The following PLD1 variants were observed in gnomAD, a reference collection of about 807,000 sequenced individuals.
PLD1 encodes the protein phospholipase D1, also known as choline phosphatase 1.
A neutral mutation model predicts 137.1 loss-of-function variants in PLD1; 112 were observed. That is an observed-to-expected ratio of 0.82 (90% CI 0.70 to 0.96). The LOEUF (loss-of-function observed/expected upper bound fraction) is 0.96. PLD1 is among the 40% of genes least tolerant of loss of function. The pLI, the probability that PLD1 is intolerant of heterozygous loss-of-function variation, is 0.00. For missense variants in PLD1, 1,321 were observed against 1,342.0 expected (o/e 0.98, Z 0.24); for synonymous variants, 431 against 454.7 (o/e 0.95, Z 0.66).
chr3:171,720,858 C>T (rs571054490), intron 8 of PLD1, among the ~76,000 whole-genome samples: 16 of 152,196 alleles, frequency 1.1e-4, no homozygotes, highest in South Asian at 2.1e-4. Context: ...TGTAACAAAG[C>T]CTTTCCCTCA....
rs1165906369 is a variant in PLD1, at chr3:171,668,938, C to T, written c.2229+5562G>A. On this transcript the variant is annotated intron_variant, in intron 19 of 26. Coordinates refer to ENST00000351298, the MANE Select transcript of PLD1 (RefSeq NM_002662.5). Reference sequence around the variant, plus strand: ...AGAAGCAGTTTCAGGACCATCTCTCCCACTTCCTCCTGCTACCCATGCCTT... The same window carrying T: ...AGAAGCAGTTTCAGGACCATCTCTCTCACTTCCTCCTGCTACCCATGCCTT... Among the ~76,000 whole-genome samples, 6 of 152,262 alleles carry T rather than the reference C, an allele frequency of 3.9e-5. No individual in the cohort carries two copies. The East Asian group carries it at 1.2e-3, about 29-fold the overall frequency.
chr3:171,743,868 G>A lies in PLD1; in HGVS notation c.-31-5786C>T, dbSNP rs376200461. ...GGGCATTCACCACAGACACCCAGCCGAGCACCCACTCAATACGTTTGTTGA... is the reference window on the plus strand; with the variant it reads ...GGGCATTCACCACAGACACCCAGCCAAGCACCCACTCAATACGTTTGTTGA... On this transcript the variant is annotated intron_variant, in intron 1 of 26. Transcript: ENST00000351298. Among the ~76,000 whole-genome samples, 86 of 152,194 alleles carry A rather than the reference G, an allele frequency of 5.7e-4. No individual in the cohort carries two copies. In the East Asian group the frequency reaches 7.5e-3, roughly 13 times the overall value.
At chr3:171,770,919 G>C (rs1365919270) in intron 1 of PLD1, among the ~76,000 whole-genome samples, 5 of 144,918 alleles carry the variant, frequency 3.5e-5, no homozygotes, top group Non-Finnish European at 7.4e-5. Context: ...AAAGGGGGCG[G>C]GGGCAGGGCT....
chr3:171,700,159 C>T (rs1375522815), intron 11 of PLD1, among the ~76,000 whole-genome samples: 1 of 151,794 alleles, frequency 6.6e-6, no homozygotes, highest in Non-Finnish European at 1.5e-5. Context: ...GCTCTCAGAG[C>T]CTCTCTCCCA....
intron 1 of PLD1, among the ~76,000 whole-genome samples, chr3:171,763,848 T>G (rs1166239054): frequency 6.9e-6 from 1 of 144,730 alleles, no homozygotes; most frequent in East Asian, 2.0e-4. Flanking sequence ...TTTTTTTTTT[T>G]TTTTGAGATA....
At chr3:171,692,273 C>T (rs1715241594) in intron 13 of PLD1, 59 bp downstream of exon 13, 4 of 826,632 alleles carry the variant, frequency 4.8e-6, no homozygotes, top group African/African-American at 1.7e-5. Context: ...ACAAAACATA[C>T]CTGAAAAAAT....
At chr3:171,679,027 G>C (rs1713680489) in intron 16 of PLD1, among the ~76,000 whole-genome samples, 1 of 152,142 alleles carries the variant, frequency 6.6e-6, no homozygotes. Flanking sequence ...TAGCACTGCT[G>C]TCATCCCACT....
intron 25 of PLD1, among the ~76,000 whole-genome samples, chr3:171,609,507 AACACACACACACACACACACACACACAC>A (rs371080467): frequency 7.3e-6 from 1 of 136,864 alleles, no homozygotes; most frequent in Non-Finnish European, 1.6e-5. Context: ...ACATAAAGAA[AACACACACACACACACACACACACACAC>A]ACACACACAC....
chr3:171,618,864 T>TGTGTGA, intron 24 of PLD1, among the ~76,000 whole-genome samples: 1 of 151,842 alleles, frequency 6.6e-6, no homozygotes, highest in South Asian at 2.1e-4. Context: ...TGTGCGTGTG[T>TGTGTGA]GTGTGTGTGT....
intron 16 of PLD1, among the ~76,000 whole-genome samples, chr3:171,683,889 C>T (rs1365952013): frequency 2.6e-5 from 4 of 152,216 alleles, no homozygotes; most frequent in Non-Finnish European, 5.9e-5. Flanking sequence ...GTATCCCCAA[C>T]TACAGTTGTA....
rs71178231 is a variant in PLD1 at position 171,635,965 on chromosome 3, C to CTTTTTTTTTTTTTTTTTTTTTTTTTTT, written c.2593+6848_2593+6874dup. On this transcript the variant is annotated intron_variant, in intron 23 of 26. Transcript: ENST00000351298. ...ATGGTATGAGGTAGGGGTTCAACTT[C>CTTTTTTTTTTTTTTTTTTTTTTTTTTT]TTTTTTTTTTTTTTTTTTTTTTTTT... Among the ~76,000 whole-genome samples the CTTTTTTTTTTTTTTTTTTTTTTTTTTT allele has an allele frequency of 2.3e-3, 115 of 49,290 alleles. 14 individuals are homozygous for CTTTTTTTTTTTTTTTTTTTTTTTTTTT. Among genetic ancestry groups the CTTTTTTTTTTTTTTTTTTTTTTTTTTT allele is most frequent in the Non-Finnish European group, 3.2e-3 (72 of 22,594 alleles). 32.3% of individuals were successfully genotyped at this position (49,290 alleles called of 152,430 possible). A position where few individuals can be genotyped will look rare whatever the true frequency, so the allele number is the denominator to read the frequency against.
At chr3:171,679,958 C>G (rs557905508) in intron 16 of PLD1, among the ~76,000 whole-genome samples, 1 of 152,280 alleles carries the variant, frequency 6.6e-6, no homozygotes, top group East Asian at 1.9e-4. Context: ...CATAATTGCA[C>G]CTGCCTTGTC....
At chr3:171,684,703 C>T (rs1423714790) in intron 16 of PLD1, among the ~76,000 whole-genome samples, 1 of 152,210 alleles carries the variant, frequency 6.6e-6, no homozygotes, top group South Asian at 2.1e-4. Flanking sequence ...TCCAGCAATT[C>T]TCCCACCTCA....
At chr3:171,796,835 C>T (rs2108355591) in intron 1 of PLD1, among the ~76,000 whole-genome samples, 1 of 152,254 alleles carries the variant, frequency 6.6e-6, no homozygotes, top group East Asian at 1.9e-4. Context: ...GACTGTATCC[C>T]TCCCATCTTC....
At chr3:171,632,711 C>T (rs1286560216) in intron 23 of PLD1, among the ~76,000 whole-genome samples, 1 of 152,012 alleles carries the variant, frequency 6.6e-6, no homozygotes, top group African/African-American at 2.4e-5. Context: ...ATATGGCAGT[C>T]CTGGAAGCTG....
At chr3:171,689,970 G>A (rs1306607979) in intron 13 of PLD1, among the ~76,000 whole-genome samples, 3 of 152,174 alleles carry the variant, frequency 2.0e-5, no homozygotes, top group Non-Finnish European at 4.4e-5. Flanking sequence ...AAGATTGGTG[G>A]TAATTCCTCA....
Position 171,612,424 on chromosome 3 carries a change from T to C in PLD1, c.2737A>G (p.Asn913Asp). 1 of 1,614,036 alleles carries C rather than the reference T, an allele frequency of 6.2e-7. No individual in the cohort carries two copies. The highest frequency in any genetic ancestry group is 8.5e-7 in the Non-Finnish European group (1 of 1,179,878). The change falls in exon 25 of 27, where the codon AAC (asparagine) becomes GAC (aspartate). Residue 913 changes from asparagine (N) to aspartate (D), a missense_variant. By Grantham distance (23) the Asn-to-Asp change is conservative. Coordinates refer to ENST00000351298, the MANE Select transcript of PLD1 (RefSeq NM_002662.5). The surrounding 1 kb of genome is among the most constrained non-coding windows in gnomAD (Gnocchi z 4.1). ...CCCAGCATGCTGCGGTCATTTATGT[T>C]GGCAGAGCCTGTAAGGAGAAACAGT... ...DDNTVIIGSA[N>D]INDRSMLGKR... is the part of the protein sequence containing the mutation.
At chr3:171,631,868 G>T (rs946213666) in intron 23 of PLD1, among the ~76,000 whole-genome samples, 1 of 152,152 alleles carries the variant, frequency 6.6e-6, no homozygotes, top group Non-Finnish European at 1.5e-5. Flanking sequence ...AGAAAAAAAT[G>T]ATGGAATCAC....
chr3:171,630,985 G>T (rs1273748165), intron 23 of PLD1, among the ~76,000 whole-genome samples: 1 of 151,462 alleles, frequency 6.6e-6, no homozygotes, highest in Non-Finnish European at 1.5e-5. Flanking sequence ...TGCACATTGT[G>T]CACATGTACC....
Sources: gnomAD v4.1 joint callset for allele counts (sites outside exome capture counted in the v4.1 genomes callset) on GRCh38, gnomAD v4.1.1 for gene constraint, Gnocchi (gnomAD v3.1) non-coding constraint, MANE v1.5 for transcripts, NCBI Gene and HGNC (gene_info 2026-07-23, HGNC 2026-07-21) for gene names.